Variants in ODR4 observed in about 807,000 individuals in gnomAD.
ODR4 encodes protein odr-4 homolog.
In ODR4, 47 loss-of-function variants were observed where a neutral mutation model predicts 60.2. The ratio of observed to expected loss-of-function variants is 0.78; its 90% CI spans 0.62 to 1.00. ODR4 has a LOEUF of 1.00. Ranked by LOEUF, ODR4 falls within the 50% of genes least tolerant of loss-of-function variation. ODR4 has a pLI of 0.00. For synonymous variants in ODR4, 178 were observed against 175.5 expected, an observed-to-expected ratio of 1.01 and a Z score of -0.11; for missense variants, 488 against 530.8, an observed-to-expected ratio of 0.92 and a Z score of 0.79.
At chr1:186,427,746 A>T in the ODR4 span, among the ~76,000 whole-genome samples, 1 of 152,234 alleles carries the variant, frequency 6.6e-6, no homozygotes, top group South Asian at 2.1e-4. Context: ...CACCTTACAA[A>T]ATGTATTTCT....
rs942111815 is a variant in ODR4, at chr1:186,382,968, T to C, written c.100-54T>C. On this transcript the variant is annotated intron_variant, in intron 2 of 13. Transcript: ENST00000287859. ...CTAAGGAATTTAGGTATCACTCTAATTAGATTGAGGAATCAGATATCACTC... is the reference window on the plus strand; with the variant it reads ...CTAAGGAATTTAGGTATCACTCTAACTAGATTGAGGAATCAGATATCACTC... 88 of 1,528,736 alleles carry C rather than the reference T, an allele frequency of 5.8e-5. 1 individual carries two copies. In the African/African-American group the frequency reaches 1.1e-3, roughly 20 times the overall value. 94.7% of individuals were successfully genotyped at this position (1,528,736 alleles called of 1,614,324 possible).
rs1661167487 is a variant in ODR4 at position 186,406,148 on chromosome 1, ATGT to A, written c.1070_1072del (p.Leu357del). ...TGTTCCCCTTCCTGGATCCACTGTA[ATGT>A]TGTGTGATTATAAATTTGACGATGA... On this transcript the variant is annotated inframe_deletion, in exon 12 of 14. Transcript: ENST00000287859. 4 of 1,612,370 alleles carry A rather than the reference ATGT, an allele frequency of 2.5e-6. No individual in the cohort carries two copies. The highest frequency in any genetic ancestry group is 2.5e-6 in the Non-Finnish European group (3 of 1,179,180).
At chr1:186,432,008 G>A in the ODR4 span, among the ~76,000 whole-genome samples, 2 of 152,098 alleles carry the variant, frequency 1.3e-5, no homozygotes, top group Non-Finnish European at 2.9e-5. Flanking sequence ...TAGTTTTTGA[G>A]GATGTTAGAT....
chr1:186,417,077 C>T (rs1443509968), intron 12 of ODR4, among the ~76,000 whole-genome samples: 2 of 151,928 alleles, frequency 1.3e-5, no homozygotes, highest in African/African-American at 4.8e-5. Context: ...GTTCTCCTGC[C>T]TCAGCCTCCC....
chr1:186,399,289 TCAGC>T, intron 11 of ODR4: 1 of 488,524 alleles, frequency 2.0e-6, no homozygotes, highest in Non-Finnish European at 3.8e-6. Context: ...ACCTGCAGCC[TCAGC>T]CTCTTGGGCT....
chr1:186,397,486 CT>C (rs374783400), intron 9 of ODR4, among the ~76,000 whole-genome samples: 2 of 151,820 alleles, frequency 1.3e-5, no homozygotes, highest in African/African-American at 4.8e-5. Context: ...ATTTGAAATG[CT>C]TAGGACCAGA....
chr1:186,414,686 A>T (rs979725412), intron 12 of ODR4, among the ~76,000 whole-genome samples: 4 of 151,716 alleles, frequency 2.6e-5, no homozygotes, highest in African/African-American at 9.7e-5. Flanking sequence ...TACCTGGCTA[A>T]TTTTTTTGTA....
Position 186,420,895 on chromosome 1 carries a change from C to T in ODR4, c.*1819C>T, listed in dbSNP as rs1661749126. ...AACATGAATTCATAAATTCAGGAAGCACAATATATACCAAACATATATTTA... is the reference window on the plus strand; with the variant it reads ...AACATGAATTCATAAATTCAGGAAGTACAATATATACCAAACATATATTTA... On this transcript the variant is annotated 3_prime_UTR_variant, in exon 14 of 14. Transcript: ENST00000287859. 6.6e-6 allele frequency: 1 copy of T among 152,116 alleles called. No individual in the cohort carries two copies. The highest frequency in any genetic ancestry group is 1.5e-5 in the Non-Finnish European group (1 of 68,006). The allele number at this position is 152,116 out of a possible 1,614,324, so 9.4% of individuals were successfully genotyped here.
intron 1 of ODR4, among the ~76,000 whole-genome samples, chr1:186,376,650 A>G (rs999500985): frequency 2.6e-5 from 4 of 152,258 alleles, no homozygotes; most frequent in African/African-American, 9.6e-5. Flanking sequence ...GGAAAAATAA[A>G]TCAACAGCGG....
At chr1:186,424,364 C>G (rs1378024323), downstream of ODR4, among the ~76,000 whole-genome samples, 1 of 151,116 alleles carries the variant, frequency 6.6e-6, no homozygotes, top group Non-Finnish European at 1.5e-5. Flanking sequence ...AAAACTTTTT[C>G]TTTTAAAGGA....
chr1:186,384,204 T>C (rs1471373532), intron 3 of ODR4, among the ~76,000 whole-genome samples: 1 of 152,206 alleles, frequency 6.6e-6, no homozygotes, highest in Non-Finnish European at 1.5e-5. Context: ...AGCCTCAGGC[T>C]GCTTCTGTTC....
At chr1:186,424,361 T>C (rs886544787), downstream of ODR4, among the ~76,000 whole-genome samples, 21 of 151,208 alleles carry the variant, frequency 1.4e-4, no homozygotes, top group African/African-American at 4.9e-4. Flanking sequence ...GATAAAACTT[T>C]TTCTTTTAAA....
At chr1:186,387,582 T>C (rs2102028639) in intron 4 of ODR4, among the ~76,000 whole-genome samples, 1 of 152,332 alleles carries the variant, frequency 6.6e-6, no homozygotes, top group East Asian at 1.9e-4. Context: ...TGACAAACAC[T>C]ACAAGAAACA....
Position 186,419,407 on chromosome 1 carries a change from C to T in ODR4, c.*331C>T, listed in dbSNP as rs2102102138. On this transcript the variant is annotated 3_prime_UTR_variant, in exon 14 of 14. Coordinates refer to ENST00000287859, the MANE Select transcript of ODR4 (RefSeq NM_017847.6). ...TTACTAATCTGAATCACATATTAAT[C>T]AGGACATTAAAAACTTTAACAGAGG... 1 of 279,782 alleles carries T rather than the reference C, an allele frequency of 3.6e-6. No homozygotes were observed. The highest frequency in any genetic ancestry group is 6.9e-6 in the Non-Finnish European group (1 of 145,464). The allele number at this position is 279,782 out of a possible 1,614,324, so 17.3% of individuals were successfully genotyped here. A position where few individuals can be genotyped will look rare whatever the true frequency, so the allele number is the denominator to read the frequency against.
At chr1:186,423,888 A>G (rs1245711209), downstream of ODR4, among the ~76,000 whole-genome samples, 2 of 152,202 alleles carry the variant, frequency 1.3e-5, no homozygotes, top group Non-Finnish European at 2.9e-5. Context: ...ATAATTAATA[A>G]CATTTTACAT....
At position 186,396,389 on chromosome 1, in the gene ODR4, G is replaced by A. The variant is rs922202154; in HGVS notation, c.781-1924G>A. Among the ~76,000 whole-genome samples, 57 of 152,064 alleles carry A rather than the reference G, an allele frequency of 3.7e-4. 1 individual carries two copies. Among genetic ancestry groups the A allele is most frequent in the African/African-American group, 1.4e-3 (57 of 41,430 alleles). ...TTTGGGAGGCCTAGGCAGGGTGATC[G>A]CTTGAGCCTAGGAGTTCAAGATGAG... is the stretch of plus-strand genomic sequence containing the variant. On this transcript the variant is annotated intron_variant, in intron 9 of 13. Transcript: ENST00000287859.
chr1:186,398,484 T>C, intron 10 of ODR4, 43 bp downstream of exon 10: 3 of 1,536,740 alleles, frequency 2.0e-6, no homozygotes, highest in Non-Finnish European at 2.6e-6. Flanking sequence ...TGTTAACTAT[T>C]AACAAAAACC....
chr1:186,409,192 CAA>C (rs58735021), intron 12 of ODR4, among the ~76,000 whole-genome samples: 34 of 110,982 alleles, frequency 3.1e-4, no homozygotes, highest in Admixed American at 3.5e-4. Flanking sequence ...GACCCTGTCT[CAA>C]AAAAAAAAAA....
At position 186,386,079 on chromosome 1, in the gene ODR4, G is replaced by A. The variant is rs139713643; in HGVS notation, c.326G>A (p.Arg109His). The change falls in exon 4 of 14, where the codon CGT (arginine) becomes CAT (histidine). Residue 109 changes from arginine to histidine, a missense_variant. Arg to His is a conservative substitution (Grantham distance 29, BLOSUM62 0). Transcript: ENST00000287859. ...GCAAATGATTTTCAAAATGCCCTGC[G>A]TAGAGTAAGTTTGATATATCGAAAA... ...ELANDFQNALRRLMFAVEKSI... is the reference protein window; with the variant it reads ...ELANDFQNALHRLMFAVEKSI... The A allele has an allele frequency of 1.3e-4, 205 of 1,567,320 alleles. No homozygotes were observed. Among genetic ancestry groups the A allele is most frequent in the Non-Finnish European group, 1.6e-4 (184 of 1,149,014 alleles).
Sources: allele counts gnomAD v4.1 joint callset (sites outside exome capture counted in the v4.1 genomes callset), GRCh38; gene constraint gnomAD v4.1.1; transcripts MANE v1.5; gene names NCBI Gene and HGNC (gene_info 2026-07-23, HGNC 2026-07-21).